HECW1: variants seen among roughly 807,000 people sequenced by gnomAD.
The protein encoded by HECW1 is HECT, C2 and WW domain containing E3 ubiquitin protein ligase 1.
A neutral mutation model predicts 182.3 loss-of-function variants in HECW1; 61 were observed. The observed-to-expected ratio is 0.33, with a 90% CI of 0.27 to 0.41. The LOEUF (loss-of-function observed/expected upper bound fraction) is 0.41. Ranked by LOEUF, HECW1 falls within the 10% of genes least tolerant of loss-of-function variation. The pLI is 1.00. For missense variants in HECW1, 1,739 were observed against 2,108.9 expected, an observed-to-expected ratio of 0.82 and a Z score of 3.44; for synonymous variants, 859 against 832.6, an observed-to-expected ratio of 1.03 and a Z score of -0.55.
intron 2 of HECW1, among the ~76,000 whole-genome samples, chr7:43,210,636 T>G (rs943174231): frequency 6.6e-6 from 1 of 152,114 alleles, no homozygotes; most frequent in Non-Finnish European, 1.5e-5. Context: ...ATAGCTCTAT[T>G]AGAAGCCTTG....
intron 24 of HECW1, among the ~76,000 whole-genome samples, chr7:43,521,748 G>A (rs2080486521): frequency 6.6e-6 from 1 of 152,200 alleles, no homozygotes; most frequent in African/African-American, 2.4e-5. Context: ...GGTGGCACAT[G>A]TCTGTAATCC....
intron 2 of HECW1, among the ~76,000 whole-genome samples, chr7:43,167,705 C>T (rs925526688): frequency 1.3e-5 from 2 of 152,166 alleles, no homozygotes; most frequent in Non-Finnish European, 2.9e-5. Context: ...ATTTGCTTTC[C>T]ACCCATGTAG....
chr7:43,295,314 T>C (rs1397456701), intron 3 of HECW1, among the ~76,000 whole-genome samples: 1 of 152,150 alleles, frequency 6.6e-6, no homozygotes, highest in Non-Finnish European at 1.5e-5. Flanking sequence ...GGGGGGTATA[T>C]GGCTTTTTTA....
At chr7:43,328,741 G>T (rs562620891) in intron 5 of HECW1, among the ~76,000 whole-genome samples, 1 of 152,268 alleles carries the variant, frequency 6.6e-6, no homozygotes, top group East Asian at 1.9e-4. Context: ...ATTCAGATTC[G>T]CAGCAATACA....
chr7:43,520,672 A>G (rs1291388276), intron 24 of HECW1, among the ~76,000 whole-genome samples: 2 of 152,088 alleles, frequency 1.3e-5, no homozygotes. Flanking sequence ...AAAAACACAA[A>G]GGTTTCCAAA....
Position 43,492,191 on chromosome 7 carries a change from T to C in HECW1, c.3340+11T>C. On this transcript the variant is annotated intron_variant, in intron 18 of 29. Transcript: ENST00000395891. ...AGTCATTGCCACTGGGTATGTATCA[T>C]GCTTGTTTGAGCCCCTGGCTCAAAG... The C allele has an allele frequency of 1.3e-6, 2 of 1,567,020 alleles. No individual in the cohort carries two copies. Among genetic ancestry groups the C allele is most frequent in the Non-Finnish European group, 1.7e-6 (2 of 1,155,486 alleles).
chr7:43,149,943 C>G (rs1583699105), intron 2 of HECW1, among the ~76,000 whole-genome samples: 1 of 152,038 alleles, frequency 6.6e-6, no homozygotes, highest in Non-Finnish European at 1.5e-5. Context: ...TCATAGATAT[C>G]TTTTGGCATT....
At chr7:43,197,293 AG>A (rs1487854979) in intron 2 of HECW1, among the ~76,000 whole-genome samples, 1 of 152,144 alleles carries the variant, frequency 6.6e-6, no homozygotes, top group Non-Finnish European at 1.5e-5. Context: ...ATTAAGTGGA[AG>A]AGGGAGCGGA....
intron 2 of HECW1, among the ~76,000 whole-genome samples, chr7:43,241,656 GTGT>G: frequency 7.3e-6 from 1 of 136,560 alleles, no homozygotes; most frequent in Non-Finnish European, 1.6e-5. Context: ...GTGTGTGTGT[GTGT>G]GTTTAATTAA....
intron 2 of HECW1, among the ~76,000 whole-genome samples, chr7:43,127,523 CAAAA>C (rs71562078): frequency 8.7e-5 from 5 of 57,280 alleles, no homozygotes; most frequent in East Asian, 5.7e-4. Context: ...AACTCCATCT[CAAAA>C]AAAAAAAAAA....
intron 6 of HECW1, among the ~76,000 whole-genome samples, chr7:43,361,906 C>T (rs1815979188): frequency 1.4e-5 from 2 of 147,842 alleles, no homozygotes; most frequent in South Asian, 4.3e-4. Context: ...TTTGGGAGTC[C>T]CCAGGCAGGC....
intron 3 of HECW1, among the ~76,000 whole-genome samples, chr7:43,307,414 A>C (rs118139327): frequency 0.07 from 10,623 of 152,258 alleles, 474 homozygotes; most frequent in Middle Eastern, 0.13. Context: ...GATTTCCCAT[A>C]CATACAGAGA....
intron 6 of HECW1, among the ~76,000 whole-genome samples, chr7:43,379,397 C>T (rs969957415): frequency 3.3e-5 from 5 of 152,200 alleles, no homozygotes; most frequent in Non-Finnish European, 7.3e-5. Flanking sequence ...CCAGCCTCTC[C>T]ATTTGCACAT....
At chr7:43,224,208 C>A (rs561629966) in intron 2 of HECW1, among the ~76,000 whole-genome samples, 120 of 152,324 alleles carry the variant, frequency 7.9e-4, no homozygotes, top group Middle Eastern at 6.8e-3. Flanking sequence ...TTCCAAAGAA[C>A]ATCGAACTGC....
intron 17 of HECW1, among the ~76,000 whole-genome samples, chr7:43,481,964 G>T (rs190528448): frequency 0.014 from 1,908 of 136,338 alleles, 17 homozygotes; most frequent in Non-Finnish European, 0.019. Flanking sequence ...GACACAGCGA[G>T]ACTCCATCTC....
At chr7:43,360,768 G>C in intron 5 of HECW1, 118 bp from the exon 6 acceptor site, 1 of 747,964 alleles carries the variant, frequency 1.3e-6, no homozygotes, top group East Asian at 2.7e-5. Flanking sequence ...GTCGAGTGTG[G>C]CCTGGCTTGC....
At chr7:43,269,469 G>A (rs1170358461) in intron 3 of HECW1, among the ~76,000 whole-genome samples, 1 of 152,134 alleles carries the variant, frequency 6.6e-6, no homozygotes, top group African/African-American at 2.4e-5. Context: ...CACTAACATA[G>A]AATAACACTC....
intron 1 of HECW1, 60 bp downstream of exon 1, chr7:43,112,997 G>A (rs1784740151): frequency 1.0e-5 from 2 of 197,088 alleles, no homozygotes; most frequent in East Asian, 1.6e-4. Flanking sequence ...CCTTCTCTGG[G>A]CGGCTTCCCC....
chr7:43,187,968 C>G (rs1793563370), intron 2 of HECW1, among the ~76,000 whole-genome samples: 1 of 152,176 alleles, frequency 6.6e-6, no homozygotes, highest in African/African-American at 2.4e-5. Context: ...TCAGTGGACT[C>G]CGTGAAGACC....
Sources: gnomAD v4.1 joint callset for allele counts (sites outside exome capture counted in the v4.1 genomes callset) on GRCh38, gnomAD v4.1.1 for gene constraint, MANE v1.5 for transcripts, NCBI Gene and HGNC (gene_info 2026-07-23, HGNC 2026-07-21) for gene names.